The following USP28 variants were observed in gnomAD, a reference collection of about 807,000 sequenced individuals.
The protein encoded by USP28 is ubiquitin carboxyl-terminal hydrolase 28.
Under a neutral mutation model 145.0 loss-of-function variants are expected in USP28, and 113 were observed. The ratio of observed to expected loss-of-function variants is 0.78; its 90% CI spans 0.67 to 0.91. USP28 has a LOEUF of 0.91. USP28 is among the 40% of genes least tolerant of loss of function. USP28 has a pLI of 0.00. For synonymous variants in USP28, 447 were observed against 450.9 expected, an observed-to-expected ratio of 0.99 and a Z score of 0.11; for missense variants, 1,201 against 1,289.6, an observed-to-expected ratio of 0.93 and a Z score of 1.05.
intron 12 of USP28, chr11:113,821,152 T>C (rs1288987840): frequency 8.7e-6 from 2 of 230,088 alleles, no homozygotes; most frequent in East Asian, 2.3e-4. Flanking sequence ...CCATCTTCCC[T>C]GTATCTTCAA....
chr11:113,834,157 T>C (rs1944317428), intron 6 of USP28, 92 bp downstream of exon 6: 2 of 866,356 alleles, frequency 2.3e-6, no homozygotes, highest in Admixed American at 2.5e-5. Context: ...AGCCAAAGAG[T>C]ATCACGGATA....
intron 23 of USP28, 53 bp from the exon 25 acceptor site, chr11:113,801,731 C>A: frequency 6.9e-7 from 1 of 1,455,558 alleles, no homozygotes; most frequent in East Asian, 2.3e-5. Context: ...AGATAAATAT[C>A]TCTTTAATAA....
intron 1 of USP28, among the ~76,000 whole-genome samples, chr11:113,868,594 C>A (rs894673321): frequency 1.3e-5 from 2 of 152,094 alleles, no homozygotes; most frequent in Middle Eastern, 6.8e-3. Flanking sequence ...AAGATAGAAG[C>A]AAACAGACTT....
intron 19 of USP28, among the ~76,000 whole-genome samples, chr11:113,805,855 C>A (rs773167080): frequency 6.6e-6 from 1 of 152,102 alleles, no homozygotes; most frequent in Non-Finnish European, 1.5e-5. Flanking sequence ...GGGTTAGGGT[C>A]AAGAGAAGAG....
At chr11:113,827,544 T>A (rs1486317041) in intron 10 of USP28, among the ~76,000 whole-genome samples, 184 bp from the exon 11 acceptor site, 2 of 152,206 alleles carry the variant, frequency 1.3e-5, no homozygotes, top group African/African-American at 4.8e-5. Flanking sequence ...AGAATCTCAT[T>A]CTCTTACAGA....
chr11:113,828,613 T>C (rs1172218881), intron 10 of USP28, among the ~76,000 whole-genome samples: 1 of 152,300 alleles, frequency 6.6e-6, no homozygotes, highest in Non-Finnish European at 1.5e-5. Flanking sequence ...CCCAACTGTG[T>C]AAAGAATTAT....
intron 23 of USP28, among the ~76,000 whole-genome samples, chr11:113,802,834 T>G (rs1224765770): frequency 2.0e-5 from 3 of 152,034 alleles, no homozygotes; most frequent in African/African-American, 7.3e-5. Context: ...AATGGCTGAG[T>G]GAGAAAAGGA....
At chr11:113,815,059 G>C (rs571370217) in intron 14 of USP28, 115 bp downstream of exon 14, 13 of 916,884 alleles carry the variant, frequency 1.4e-5, no homozygotes, top group Non-Finnish European at 1.9e-5. Context: ...CTCGGCGGGG[G>C]GGAAATTCTG....
chr11:113,864,726 C>T (rs996530220), intron 1 of USP28, among the ~76,000 whole-genome samples: 3 of 152,214 alleles, frequency 2.0e-5, no homozygotes, highest in Non-Finnish European at 2.9e-5. Flanking sequence ...CTGCTCTACA[C>T]AGTCTACTGA....
intron 3 of USP28, among the ~76,000 whole-genome samples, chr11:113,850,052 C>T (rs1325089395): frequency 6.6e-6 from 1 of 152,082 alleles, no homozygotes; most frequent in East Asian, 1.9e-4. Flanking sequence ...ATCTGTAAGA[C>T]CCATGAGGGG....
intron 21 of USP28, 112 bp from the exon 23 acceptor site, chr11:113,803,989 A>C (rs1939506530): frequency 6.0e-6 from 5 of 832,012 alleles, no homozygotes; most frequent in Non-Finnish European, 7.3e-6. Context: ...CTGGCTAGCC[A>C]CAAAAATAAC....
At chr11:113,839,377 G>T (rs1944938016) in intron 5 of USP28, among the ~76,000 whole-genome samples, 1 of 152,136 alleles carries the variant, frequency 6.6e-6, no homozygotes, top group African/African-American at 2.4e-5. Flanking sequence ...TTGAGGTCAG[G>T]AGTTCAAGAC....
chr11:113,875,551 C>G, exon 1 of USP28: 3 of 1,127,236 alleles, frequency 2.7e-6, no homozygotes, highest in Admixed American at 5.0e-5. Flanking sequence ...CAGCCGCCGC[C>G]GGCCCAGCCT....
chr11:113,853,073 C>T (rs977313925), intron 2 of USP28, among the ~76,000 whole-genome samples: 7 of 152,072 alleles, frequency 4.6e-5, no homozygotes, highest in Admixed American at 3.3e-4. Flanking sequence ...GAGGCCAAGG[C>T]GGGCAGATCG....
chr11:113,824,804 G>C (rs1943102599), intron 11 of USP28, among the ~76,000 whole-genome samples: 1 of 151,702 alleles, frequency 6.6e-6, no homozygotes, highest in Non-Finnish European at 1.5e-5. Context: ...TGTGGCACAT[G>C]CCTGTAATCC....
chr11:113,799,471 G>A, intron 24 of USP28, 56 bp from the exon 26 acceptor site: 1 of 1,562,030 alleles, frequency 6.4e-7, no homozygotes, highest in Non-Finnish European at 8.7e-7. Flanking sequence ...CTGAGTAAAA[G>A]TGAACAAGCC....
chr11:113,816,100 TCAGAGTAAAACTGCAGGTCAA>T (rs1197089649), intron 13 of USP28, among the ~76,000 whole-genome samples: 6 of 152,212 alleles, frequency 3.9e-5, no homozygotes, highest in Admixed American at 2.0e-4. Flanking sequence ...TTCTCTATTG[TCAGAGTAAAACTGCAGGTCAA>T]CAAACCAGCA....
intron 5 of USP28, 137 bp from the exon 6 acceptor site, chr11:113,834,472 T>G: frequency 1.7e-6 from 1 of 582,422 alleles, no homozygotes; most frequent in Non-Finnish European, 2.8e-6. Context: ...ACTTATGTTA[T>G]TTCTAAGGAA....
At chr11:113,831,935 A>G (rs1944035326) in exon 8 of USP28, 1 of 1,613,984 alleles carries the variant, frequency 6.2e-7, no homozygotes, top group Non-Finnish European at 8.5e-7. Flanking sequence ...ATTAACAGCT[A>G]GCTGGAATGC....
Sources: allele counts gnomAD v4.1 joint callset (sites outside exome capture counted in the v4.1 genomes callset), GRCh38; gene constraint gnomAD v4.1.1; transcripts MANE v1.5; gene names NCBI Gene and HGNC (gene_info 2026-07-23, HGNC 2026-07-21).